Variants in C14orf39 observed in about 807,000 individuals in gnomAD.
C14orf39 encodes the protein chromosome 14 open reading frame 39.
Under a neutral mutation model 85.6 loss-of-function variants are expected in C14orf39, and 66 were observed. The ratio of observed to expected loss-of-function variants is 0.77; its 90% confidence interval spans 0.63 to 0.95. The LOEUF (loss-of-function observed/expected upper bound fraction) is 0.95, where lower values mean the gene tolerates loss of function less well. Ranked by LOEUF, C14orf39 falls within the 40% of genes least tolerant of loss-of-function variation. C14orf39 has a pLI of 0.00. For missense variants in C14orf39, 735 were observed against 663.9 expected (o/e 1.11, Z -1.18); for synonymous variants, 242 against 214.0 (o/e 1.13, Z -1.14).
intron 7 of C14orf39, among the ~76,000 whole-genome samples, chr14:60,470,025 T>A (rs567537183): frequency 6.6e-6 from 1 of 151,264 alleles, no homozygotes; most frequent in East Asian, 1.9e-4. Flanking sequence ...TAACTTCTTA[T>A]GCTTCCATTA....
At chr14:60,481,800 T>C (rs1326406635) in intron 4 of C14orf39, among the ~76,000 whole-genome samples, 1 of 152,226 alleles carries the variant, frequency 6.6e-6, no homozygotes. Context: ...ATTTTTCTAA[T>C]AGGACTTTTG....
chr14:60,452,238 C>A (rs1041711016), intron 16 of C14orf39, among the ~76,000 whole-genome samples: 8 of 149,942 alleles, frequency 5.3e-5, no homozygotes, highest in Admixed American at 6.6e-5. Context: ...AATGGATACA[C>A]CAAAAATAAA....
chr14:60,448,020 T>G (rs942156476), intron 16 of C14orf39, among the ~76,000 whole-genome samples: 2 of 152,194 alleles, frequency 1.3e-5, no homozygotes, highest in Non-Finnish European at 2.9e-5. Context: ...ATCCCTTCCT[T>G]ACATCTTATA....
intron 4 of C14orf39, among the ~76,000 whole-genome samples, chr14:60,483,400 CA>C (rs1387633128): frequency 6.6e-6 from 1 of 152,030 alleles, no homozygotes; most frequent in African/African-American, 2.4e-5. Context: ...CTTGAAAATT[CA>C]AAAATGGAAA....
chr14:60,468,578 C>T, intron 8 of C14orf39, 42 bp from the exon 9 acceptor site: 1 of 1,162,038 alleles, frequency 8.6e-7, no homozygotes, highest in South Asian at 1.5e-5. Context: ...TAATTACTTG[C>T]AAAGCAGTAA....
chr14:60,475,710 T>G (rs1466210698), intron 5 of C14orf39, among the ~76,000 whole-genome samples: 1 of 152,168 alleles, frequency 6.6e-6, no homozygotes, highest in Non-Finnish European at 1.5e-5. Flanking sequence ...TCTGGTCCTT[T>G]ACCAAAAAAG....
intron 4 of C14orf39, among the ~76,000 whole-genome samples, chr14:60,479,206 T>G (rs1057284070): frequency 5.9e-5 from 9 of 152,194 alleles, no homozygotes; most frequent in African/African-American, 2.2e-4. Context: ...TTAACATCAT[T>G]GAGAGCTTAT....
chr14:60,478,251 C>A, intron 5 of C14orf39, 49 bp downstream of exon 5: 1 of 847,984 alleles, frequency 1.2e-6, no homozygotes, highest in East Asian at 3.2e-5. Context: ...ACACCATGTC[C>A]TAATAATACA....
intron 17 of C14orf39, among the ~76,000 whole-genome samples, chr14:60,438,851 G>A (rs899607753): frequency 5.9e-5 from 9 of 152,166 alleles, no homozygotes; most frequent in African/African-American, 2.2e-4. Flanking sequence ...CTGAGTTCCA[G>A]AGTCTGGCCA....
chr14:60,456,693 G>A (rs141492129), intron 15 of C14orf39, among the ~76,000 whole-genome samples: 1 of 151,976 alleles, frequency 6.6e-6, no homozygotes, highest in Non-Finnish European at 1.5e-5. Context: ...TATGAAACAG[G>A]AACAGCAGAG....
At chr14:60,449,002 C>T (rs993112306) in intron 16 of C14orf39, among the ~76,000 whole-genome samples, 3 of 151,556 alleles carry the variant, frequency 2.0e-5, no homozygotes, top group Non-Finnish European at 2.9e-5. Context: ...CACATGGACA[C>T]GGGGTGGGGA....
chr14:60,451,070 G>T (rs1222810747), intron 16 of C14orf39, among the ~76,000 whole-genome samples: 1 of 152,024 alleles, frequency 6.6e-6, no homozygotes, highest in Non-Finnish European at 1.5e-5. Flanking sequence ...ACAACTACAA[G>T]CATCAAGATC....
intron 16 of C14orf39, among the ~76,000 whole-genome samples, chr14:60,454,158 A>ATCATCC (rs71435507): frequency 0.17 from 26,286 of 151,666 alleles, 2,938 homozygotes; most frequent in East Asian, 0.54. Flanking sequence ...ATAGTACTAT[A>ATCATCC]TCATCCATCA....
chr14:60,465,866 AC>A lies in C14orf39; in HGVS notation c.972+112del. Reference sequence around the variant, plus strand: ...ATAAATTTATAACACACACACACACACACACACACACACACACACACACACA... The same window carrying A: ...ATAAATTTATAACACACACACACACAACACACACACACACACACACACACA... On this transcript the variant is annotated intron_variant, in intron 11 of 17. Coordinates refer to ENST00000321731, the MANE Select transcript of C14orf39 (RefSeq NM_174978.3). The A allele has an allele frequency of 2.6e-4, 3 of 11,624 alleles. 1 individual carries two copies. Among genetic ancestry groups the A allele is most frequent in the South Asian group, 1.3e-3 (2 of 1,548 alleles). 0.7% of individuals were successfully genotyped at this position (11,624 alleles called of 1,614,324 possible).
At chr14:60,471,840 T>C (rs1465456730) in intron 5 of C14orf39, 101 bp from the exon 6 acceptor site, 1 of 656,818 alleles carries the variant, frequency 1.5e-6, no homozygotes, top group African/African-American at 1.9e-5. Flanking sequence ...GCAAATCAAA[T>C]GTCTTCTTAT....
chr14:60,493,538 A>G (rs1276385695), intron 2 of C14orf39, among the ~76,000 whole-genome samples: 5 of 152,184 alleles, frequency 3.3e-5, no homozygotes, highest in Admixed American at 6.5e-5. Context: ...TTCTATGTGT[A>G]CTTTGTCAAA....
At chr14:60,512,487 G>A (rs1308714687) in intron 1 of C14orf39, 1 of 152,128 alleles carries the variant, frequency 6.6e-6, no homozygotes, top group Non-Finnish European at 1.5e-5. Flanking sequence ...TCAAATGAAT[G>A]GTTTTTAACA....
intron 17 of C14orf39, among the ~76,000 whole-genome samples, chr14:60,441,181 A>G (rs1413272538): frequency 6.6e-6 from 1 of 152,176 alleles, no homozygotes; most frequent in Non-Finnish European, 1.5e-5. Context: ...GTGAGACTGC[A>G]CCTGAATTAG....
At chr14:60,447,895 G>C (rs971774654) in intron 16 of C14orf39, among the ~76,000 whole-genome samples, 4 of 151,898 alleles carry the variant, frequency 2.6e-5, no homozygotes, top group Admixed American at 6.6e-5. Flanking sequence ...CACCACACAT[G>C]TACAACCATC....
Sources: gnomAD v4.1 joint callset for allele counts (sites outside exome capture counted in the v4.1 genomes callset) on GRCh38, gnomAD v4.1.1 for gene constraint, MANE v1.5 for transcripts, NCBI Gene and HGNC (gene_info 2026-07-23, HGNC 2026-07-21) for gene names.